The following MED13L variants were observed in gnomAD, a reference collection of about 807,000 sequenced individuals.
MED13L encodes the protein mediator of RNA polymerase II transcription subunit 13-like.
In MED13L, 7 loss-of-function variants were observed where a neutral mutation model predicts 220.9. The ratio of observed to expected loss-of-function variants is 0.03; its 90% CI spans 0.02 to 0.06. The LOEUF (loss-of-function observed/expected upper bound fraction) is 0.06. Ranked by LOEUF, MED13L falls within the 10% of genes least tolerant of loss-of-function variation. The probability of loss-of-function intolerance (pLI) is 1.00; values close to 1 mark genes in which losing one functional copy is unlikely to be tolerated. For synonymous variants in MED13L, 1,011 were observed against 1,015.2 expected, an observed-to-expected ratio of 1.00 and a Z score of 0.08; for missense variants, 1,965 against 2,760.5, an observed-to-expected ratio of 0.71 and a Z score of 6.46.
intron 7 of MED13L, among the ~76,000 whole-genome samples, chr12:116,017,502 T>G (rs1050891405): frequency 6.6e-6 from 1 of 152,244 alleles, no homozygotes; most frequent in Non-Finnish European, 1.5e-5. Flanking sequence ...TTCTCTATGA[T>G]GATTACTACA....
At chr12:116,008,331 G>T in intron 10 of MED13L, 70 bp downstream of exon 10, 1 of 1,523,342 alleles carries the variant, frequency 6.6e-7, no homozygotes, top group Non-Finnish European at 8.8e-7. Context: ...TGAAAGTTTA[G>T]CAGGTAGAGA....
At chr12:116,042,753 A>G (rs1280775303) in intron 4 of MED13L, among the ~76,000 whole-genome samples, 1 of 152,218 alleles carries the variant, frequency 6.6e-6, no homozygotes, top group African/African-American at 2.4e-5. Flanking sequence ...AGGACAGATG[A>G]GGCTGATAGC....
chr12:116,018,549 C>G (rs1229192055), intron 7 of MED13L, among the ~76,000 whole-genome samples: 1 of 152,018 alleles, frequency 6.6e-6, no homozygotes, highest in Non-Finnish European at 1.5e-5. Context: ...TCCATACTGA[C>G]CACAGTTCTA....
At chr12:116,258,127 G>A (rs55862915) in intron 1 of MED13L, among the ~76,000 whole-genome samples, 25,632 of 152,216 alleles carry the variant, frequency 0.17, 2,408 homozygotes, top group Middle Eastern at 0.27. Flanking sequence ...GAATAGCTAC[G>A]AGGAGCTTCA....
At chr12:115,965,767 T>C (rs923831944) in intron 29 of MED13L, among the ~76,000 whole-genome samples, 4 of 152,146 alleles carry the variant, frequency 2.6e-5, no homozygotes, top group Admixed American at 6.5e-5. Context: ...ACTTTACTGA[T>C]AGTGATGCAA....
chr12:116,241,716 A>G (rs1330046674), intron 1 of MED13L, among the ~76,000 whole-genome samples: 3 of 152,214 alleles, frequency 2.0e-5, no homozygotes, highest in African/African-American at 7.2e-5. Context: ...CAACGCTACA[A>G]ACTTAAACAC....
chr12:116,213,546 G>A (rs752575005), intron 2 of MED13L, among the ~76,000 whole-genome samples: 2 of 152,066 alleles, frequency 1.3e-5, no homozygotes, highest in African/African-American at 4.8e-5. Flanking sequence ...AAGTAGCTGG[G>A]ATTGCAACAG....
chr12:116,184,260 A>T (rs1464953628), intron 2 of MED13L, among the ~76,000 whole-genome samples: 1 of 152,228 alleles, frequency 6.6e-6, no homozygotes, highest in Non-Finnish European at 1.5e-5. Context: ...CAGTAAATTC[A>T]GTGGATGATA....
chr12:116,241,795 T>C (rs966015114), intron 1 of MED13L, among the ~76,000 whole-genome samples: 6 of 152,196 alleles, frequency 3.9e-5, no homozygotes, highest in Admixed American at 2.6e-4. Context: ...TTGGTCTTCA[T>C]TGAAAAATGT....
chr12:116,050,748 C>T (rs1490606589), intron 4 of MED13L, among the ~76,000 whole-genome samples: 1 of 152,046 alleles, frequency 6.6e-6, no homozygotes, highest in East Asian at 1.9e-4. Context: ...ACCAGACTAG[C>T]CAACATGGTG....
At chr12:116,031,460 C>T (rs1350705038) in intron 4 of MED13L, among the ~76,000 whole-genome samples, 1 of 150,878 alleles carries the variant, frequency 6.6e-6, no homozygotes, top group East Asian at 1.9e-4. Flanking sequence ...GGCATGGTGG[C>T]GGGCGCCTGT....
chr12:116,007,703 T>C, intron 10 of MED13L, 67 bp from the exon 11 acceptor site: 2 of 1,416,318 alleles, frequency 1.4e-6, no homozygotes, highest in Admixed American at 2.1e-5. Context: ...AAGTTTAAAC[T>C]TTTTGTAAAA....
intron 4 of MED13L, among the ~76,000 whole-genome samples, chr12:116,049,526 G>T (rs1882029923): frequency 6.6e-6 from 1 of 152,076 alleles, no homozygotes; most frequent in African/African-American, 2.4e-5. Context: ...AATGATAGAT[G>T]AATCATTTGC....
chr12:116,273,088 T>C (rs976827332), intron 1 of MED13L, among the ~76,000 whole-genome samples: 6 of 152,100 alleles, frequency 3.9e-5, no homozygotes, highest in Non-Finnish European at 7.4e-5. Flanking sequence ...GTGGATCACC[T>C]GAGGTCGGGA....
At chr12:116,246,807 T>G (rs987866240) in intron 1 of MED13L, among the ~76,000 whole-genome samples, 451 of 18,816 alleles carry the variant, frequency 0.024, no homozygotes, top group Middle Eastern at 0.062. Flanking sequence ...GGGAGGGAGG[T>G]GGGGAGGGGA....
intron 2 of MED13L, among the ~76,000 whole-genome samples, chr12:116,182,603 C>A (rs1277177304): frequency 6.6e-6 from 1 of 152,204 alleles, no homozygotes; most frequent in Non-Finnish European, 1.5e-5. Flanking sequence ...AAGAACACTG[C>A]TCCAGCAATT....
intron 5 of MED13L, among the ~76,000 whole-genome samples, 154 bp from the exon 6 acceptor site, chr12:116,020,126 T>A (rs1879970791): frequency 6.6e-6 from 1 of 152,188 alleles, no homozygotes; most frequent in Non-Finnish European, 1.5e-5. Flanking sequence ...TTAAAAGAAA[T>A]TTTTTTAAAA....
chr12:116,253,475 CAAA>C (rs762446761), intron 1 of MED13L, among the ~76,000 whole-genome samples: 3 of 151,880 alleles, frequency 2.0e-5, no homozygotes, highest in Non-Finnish European at 4.4e-5. Context: ...ACCATGATAC[CAAA>C]ACCAAACAGA....
At chr12:116,190,889 C>A (rs1383695512) in intron 2 of MED13L, among the ~76,000 whole-genome samples, 1 of 151,882 alleles carries the variant, frequency 6.6e-6, no homozygotes, top group South Asian at 2.1e-4. Context: ...GTCAGAAGTT[C>A]GAGACCAGCC....
Sources: allele counts gnomAD v4.1 joint callset (sites outside exome capture counted in the v4.1 genomes callset), GRCh38; gene constraint gnomAD v4.1.1; transcripts MANE v1.5; gene names NCBI Gene and HGNC (gene_info 2026-07-23, HGNC 2026-07-21).